HIVEP2: variants seen among roughly 807,000 people sequenced by gnomAD.
The protein encoded by HIVEP2 is transcription factor HIVEP2.
A neutral mutation model predicts 180.7 loss-of-function variants in HIVEP2; 14 were observed. The observed-to-expected ratio is 0.08, with a 90% CI of 0.05 to 0.12. The LOEUF (loss-of-function observed/expected upper bound fraction) is 0.12, where lower values mean the gene tolerates loss of function less well. Among genes scored for constraint, HIVEP2 ranks in the 10% least tolerant of loss-of-function variants. The probability of loss-of-function intolerance (pLI) is 1.00; values close to 1 mark genes in which losing one functional copy is unlikely to be tolerated. For synonymous variants in HIVEP2, 1,184 were observed against 1,136.4 expected (o/e 1.04, Z -0.84); for missense variants, 2,579 against 3,008.5 (o/e 0.86, Z 3.34).
chr6:142,839,620 C>T (rs1330931535), intron 1 of HIVEP2, among the ~76,000 whole-genome samples: 1 of 152,052 alleles, frequency 6.6e-6, no homozygotes, highest in Admixed American at 6.6e-5. Context: ...GAGTGGTCTA[C>T]CGGGAGTAGT....
intron 2 of HIVEP2, among the ~76,000 whole-genome samples, chr6:142,813,630 A>G (rs184535639): frequency 3.3e-4 from 49 of 149,472 alleles, no homozygotes; most frequent in Non-Finnish European, 5.9e-4. Context: ...GCTAGAGTAC[A>G]GTGGCACAAT....
At chr6:142,799,351 C>G (rs929672380) in intron 2 of HIVEP2, among the ~76,000 whole-genome samples, 1 of 151,974 alleles carries the variant, frequency 6.6e-6, no homozygotes, top group East Asian at 1.9e-4. Context: ...AAGTGCAGCC[C>G]GGGAGGAGAC....
chr6:142,768,299 C>T, intron 6 of HIVEP2, 83 bp downstream of exon 6: 1 of 1,291,966 alleles, frequency 7.7e-7, no homozygotes, highest in South Asian at 1.4e-5. Flanking sequence ...CCAGATTAGA[C>T]AGTACCTTTT....
chr6:142,805,098 G>C (rs1031418314), intron 2 of HIVEP2, among the ~76,000 whole-genome samples: 3 of 152,160 alleles, frequency 2.0e-5, no homozygotes, highest in Non-Finnish European at 2.9e-5. Context: ...AGATGAACTA[G>C]ATGCAAAACA....
At chr6:142,889,060 C>A (rs1329809069) in intron 1 of HIVEP2, among the ~76,000 whole-genome samples, 3 of 152,166 alleles carry the variant, frequency 2.0e-5, no homozygotes, top group Non-Finnish European at 4.4e-5. Context: ...TGATTTTGAG[C>A]TCCTTAAGGT....
chr6:142,896,644 A>G (rs1209406991), intron 1 of HIVEP2, among the ~76,000 whole-genome samples: 1 of 152,208 alleles, frequency 6.6e-6, no homozygotes, highest in Non-Finnish European at 1.5e-5. Context: ...TCACTTCACA[A>G]AAAAGAAAAA....
At chr6:142,913,994 C>T (rs747606353) in intron 1 of HIVEP2, among the ~76,000 whole-genome samples, 2 of 151,832 alleles carry the variant, frequency 1.3e-5, no homozygotes, top group African/African-American at 2.4e-5. Context: ...TATTATCAGG[C>T]TCTCAGTATA....
At chr6:142,766,989 G>A (rs72988247) in intron 6 of HIVEP2, among the ~76,000 whole-genome samples, 9,755 of 152,206 alleles carry the variant, frequency 0.064, 480 homozygotes, top group East Asian at 0.13. Flanking sequence ...AAGAAGTAAT[G>A]GGACACAGCC....
intron 1 of HIVEP2, among the ~76,000 whole-genome samples, chr6:142,938,115 CT>C (rs1778097883): frequency 6.6e-6 from 1 of 152,220 alleles, no homozygotes; most frequent in African/African-American, 2.4e-5. Context: ...GTTCCAATCT[CT>C]TCCATTTCCA....
At chr6:142,853,296 G>A (rs1464105513) in intron 1 of HIVEP2, among the ~76,000 whole-genome samples, 1 of 152,180 alleles carries the variant, frequency 6.6e-6, no homozygotes, top group Non-Finnish European at 1.5e-5. Flanking sequence ...TACACTCCCA[G>A]TAGAGAAGGG....
chr6:142,926,294 T>C (rs538852625), intron 1 of HIVEP2, among the ~76,000 whole-genome samples: 73 of 152,346 alleles, frequency 4.8e-4, no homozygotes, highest in African/African-American at 1.7e-3. Flanking sequence ...AGATCATTAG[T>C]ATTCTTTTAA....
Position 142,769,669 on chromosome 6 carries a change from C to A in HIVEP2, c.5070G>T (p.Thr1690=), listed in dbSNP as rs371213412. 6.2e-7 allele frequency: 1 copy of A among 1,614,152 alleles called. No homozygotes were observed. Among genetic ancestry groups the A allele is most frequent in the East Asian group, 2.2e-5 (1 of 44,874 alleles). Reference sequence around the variant, plus strand: ...TTTGCTTGGACCTCAGAAGAGCCAGCGTGGTCTTGGTGTTCAATCCTGATG... The same window carrying A: ...TTTGCTTGGACCTCAGAAGAGCCAGAGTGGTCTTGGTGTTCAATCCTGATG... ...PNPSGLNTKT[T]LALLRSKQKI... The change falls in exon 5 of 10, where the codon ACG becomes ACT. Residue 1690 remains threonine (T), a synonymous_variant. Transcript: ENST00000367603.
At chr6:142,755,229 G>T (rs1376032990) in intron 9 of HIVEP2, among the ~76,000 whole-genome samples, 1 of 152,180 alleles carries the variant, frequency 6.6e-6, no homozygotes, top group African/African-American at 2.4e-5. Context: ...GGATTCTCCT[G>T]AAAGTGTGAG....
chr6:142,884,700 A>G (rs112357567), intron 1 of HIVEP2, among the ~76,000 whole-genome samples: 4 of 152,286 alleles, frequency 2.6e-5, no homozygotes, highest in Middle Eastern at 3.4e-3. Context: ...AGGAAGACAG[A>G]CTAGCAAAAA....
chr6:142,790,257 A>G (rs1036381381), intron 2 of HIVEP2, among the ~76,000 whole-genome samples: 28 of 152,176 alleles, frequency 1.8e-4, no homozygotes, highest in Non-Finnish European at 4.0e-4. Flanking sequence ...CTTCTGCTGC[A>G]TTGGTTTTGC....
rs1374336086 is a variant in HIVEP2 at position 142,774,157 on chromosome 6, G to A, written c.582C>T (p.Cys194=). The A allele has an allele frequency of 1.2e-6, 2 of 1,614,010 alleles. No individual in the cohort carries two copies. Among genetic ancestry groups the A allele is most frequent in the Non-Finnish European group, 1.7e-6 (2 of 1,180,046 alleles). Residue 194 remains cysteine (C), a synonymous_variant, in exon 5 of 10, where the codon TGC becomes TGT. Transcript: ENST00000367603. The surrounding 1 kb of genome is among the most constrained non-coding windows in gnomAD (Gnocchi z 5.1). The part of the protein sequence containing the change: ...KKPGKYICPY[C]SRACAKPSVL... ...CACTAGGTTTGGCACACGCTCTGCT[G>A]CAGTAAGGGCAAATGTACTTGCCAG...
chr6:142,857,248 T>A (rs927546075), intron 1 of HIVEP2, among the ~76,000 whole-genome samples: 2 of 151,644 alleles, frequency 1.3e-5, no homozygotes, highest in Non-Finnish European at 1.5e-5. Flanking sequence ...TGCCATCAGA[T>A]GTTGTCTGTC....
intron 1 of HIVEP2, among the ~76,000 whole-genome samples, chr6:142,852,905 A>T (rs1775724551): frequency 6.6e-6 from 1 of 152,178 alleles, no homozygotes; most frequent in Admixed American, 6.5e-5. Context: ...ATCTTTGAAA[A>T]ATTTGATATA....
chr6:142,786,623 G>A (rs1776005087), intron 2 of HIVEP2, among the ~76,000 whole-genome samples: 1 of 152,180 alleles, frequency 6.6e-6, no homozygotes, highest in African/African-American at 2.4e-5. Flanking sequence ...CTTGGCATTA[G>A]TTACTTGTTG....
Sources: allele counts gnomAD v4.1 joint callset (sites outside exome capture counted in the v4.1 genomes callset), GRCh38; gene constraint gnomAD v4.1.1; non-coding constraint Gnocchi (gnomAD v3.1); transcripts MANE v1.5; gene names NCBI Gene and HGNC (gene_info 2026-07-23, HGNC 2026-07-21).